Variants in MRPS28 observed in about 807,000 individuals in gnomAD.
MRPS28 encodes the protein small ribosomal subunit protein bS1m.
A neutral mutation model predicts 10.8 loss-of-function variants in MRPS28; 7 were observed. That is an observed-to-expected ratio of 0.65 (90% CI 0.37 to 1.22). The LOEUF is 1.22. Ranked by LOEUF, MRPS28 falls within the 50% of genes most tolerant of loss-of-function variation. The pLI, the probability that MRPS28 is intolerant of heterozygous loss-of-function variation, is 0.02. For missense variants in MRPS28, 265 were observed against 232.9 expected (o/e 1.14, Z -0.90); for synonymous variants, 121 against 93.3 (o/e 1.30, Z -1.71).
chr8:80,029,999 A>G, intron 1 of MRPS28, 37 bp downstream of exon 1: 1 of 1,599,190 alleles, frequency 6.3e-7, no homozygotes, highest in Non-Finnish European at 8.5e-7. Flanking sequence ...TCGTTGGCGT[A>G]ATTCCCGCGA....
At chr8:80,004,681 C>A (rs1808774465) in intron 1 of MRPS28, among the ~76,000 whole-genome samples, 1 of 152,124 alleles carries the variant, frequency 6.6e-6, no homozygotes, top group African/African-American at 2.4e-5. Flanking sequence ...GACGATCAAA[C>A]TTCTCTAAGC....
intron 2 of MRPS28, among the ~76,000 whole-genome samples, chr8:79,981,081 C>A (rs766324667): frequency 1.2e-4 from 19 of 152,174 alleles, no homozygotes; most frequent in Non-Finnish European, 2.4e-4. Context: ...GTAAACCCAG[C>A]ACTCTGGGAG....
intron 2 of MRPS28, among the ~76,000 whole-genome samples, chr8:79,925,997 G>T (rs200891862): frequency 2.5e-5 from 2 of 79,590 alleles, no homozygotes; most frequent in African/African-American, 4.5e-5. Flanking sequence ...GAAAAGAAAA[G>T]AAAAAAAAAA....
chr8:79,961,967 A>C (rs1807381005), intron 2 of MRPS28, among the ~76,000 whole-genome samples: 1 of 152,150 alleles, frequency 6.6e-6, no homozygotes. Flanking sequence ...GAAGATGTCA[A>C]GTTTACTTAG....
chr8:80,025,488 G>A (rs1221930742), intron 1 of MRPS28, among the ~76,000 whole-genome samples: 1 of 152,116 alleles, frequency 6.6e-6, no homozygotes, highest in Admixed American at 6.5e-5. Context: ...CTGCAACACT[G>A]TGTTAGAAAA....
chr8:80,021,218 GTCTTGATC>G lies in MRPS28; in HGVS notation c.213+8810_213+8817del, dbSNP rs1471072232. ...GGGTTTCACCATGTTGGTCAGGATG[GTCTTGATC>G]TCTTGACCTCATGTTCCGCCCACCT... is the stretch of plus-strand genomic sequence containing the variant. On this transcript the variant is annotated intron_variant, in intron 1 of 2. Transcript: ENST00000276585. Among the ~76,000 whole-genome samples, 5 of 152,106 alleles carry G rather than the reference GTCTTGATC, an allele frequency of 3.3e-5. No homozygotes were observed. In the East Asian group the frequency reaches 9.6e-4, roughly 29 times the overall value.
At chr8:79,969,721 T>G (rs1415018299) in intron 2 of MRPS28, among the ~76,000 whole-genome samples, 2 of 151,754 alleles carry the variant, frequency 1.3e-5, no homozygotes, top group Non-Finnish European at 2.9e-5. Context: ...AATTTAAATT[T>G]ATAAAATAAA....
chr8:79,933,496 CA>C (rs1806522947), intron 2 of MRPS28, among the ~76,000 whole-genome samples: 2 of 152,290 alleles, frequency 1.3e-5, no homozygotes, highest in South Asian at 4.1e-4. Context: ...AAACTCTGTA[CA>C]TAACAAGGTC....
rs374354719 is a variant in MRPS28 at position 79,973,412 on chromosome 8, G to A, written c.395+29587C>T. ...CCACGAGCAGTGGTGTGTGCCTGAA[G>A]TCCTAGCTACTCAGGAGGCTGAGGT... On this transcript the variant is annotated intron_variant, in intron 2 of 2. Transcript: ENST00000276585. Among the ~76,000 whole-genome samples the A allele has an allele frequency of 7.9e-5, 12 of 152,210 alleles. No individual in the cohort carries two copies. The East Asian group carries it at 2.3e-3, about 29-fold the overall frequency.
At chr8:79,957,753 C>T (rs1209247291) in intron 2 of MRPS28, 1 of 151,930 alleles carries the variant, frequency 6.6e-6, no homozygotes, top group Non-Finnish European at 1.5e-5. Flanking sequence ...ACAAATTAAA[C>T]AACATATGAG....
chr8:79,919,808 T>A (rs908609411), intron 2 of MRPS28, among the ~76,000 whole-genome samples: 3 of 152,198 alleles, frequency 2.0e-5, no homozygotes, highest in African/African-American at 7.2e-5. Flanking sequence ...ACTTTATTTT[T>A]TTATTACACT....
At chr8:79,928,820 G>A (rs1806376947) in intron 2 of MRPS28, among the ~76,000 whole-genome samples, 1 of 151,624 alleles carries the variant, frequency 6.6e-6, no homozygotes, top group Non-Finnish European at 1.5e-5. Context: ...TGAGTGGGCG[G>A]ATCACCTGAG....
intron 1 of MRPS28, among the ~76,000 whole-genome samples, chr8:80,027,894 A>C (rs993234779): frequency 1.3e-5 from 2 of 152,210 alleles, no homozygotes; most frequent in African/African-American, 2.4e-5. Flanking sequence ...GACGGAGAAC[A>C]ACCACGCAGG....
Position 79,949,890 on chromosome 8 carries a change from A to G in MRPS28, c.396-30742T>C, listed in dbSNP as rs1192690716. The stretch of plus-strand genomic sequence containing the variant: ...CTTCTATATCCCTTTCCTCAACTCC[A>G]ACAGGACAACTAAAAAGGTTTTCGT... On this transcript the variant is annotated intron_variant, in intron 2 of 2. Transcript: ENST00000276585. 3.9e-5 allele frequency among the ~76,000 whole-genome samples: 6 copies of G among 152,306 alleles called. No individual in the cohort carries two copies. In the South Asian group the frequency reaches 6.2e-4, roughly 16 times the overall value.
rs1454302730 is a variant in MRPS28 at position 79,918,827 on chromosome 8, A to C, written c.*153T>G. The C allele has an allele frequency of 6.9e-6, 3 of 433,234 alleles. No individual in the cohort carries two copies. The highest frequency in any genetic ancestry group is 1.1e-5 in the Non-Finnish European group (3 of 263,852). The allele number at this position is 433,234 out of a possible 1,614,324, so 26.8% of individuals were successfully genotyped here. A position where few individuals can be genotyped will look rare whatever the true frequency, so the allele number is the denominator to read the frequency against. ...GCAAAACAAGGGGTGGGGGGTGGGA[A>C]TATTGCTAAAGAAAATTCTAATAAG... On this transcript the variant is annotated 3_prime_UTR_variant, in exon 3 of 3. Transcript: ENST00000276585.
intron 2 of MRPS28, among the ~76,000 whole-genome samples, chr8:79,965,912 T>C (rs1198333649): frequency 1.3e-5 from 2 of 152,048 alleles, no homozygotes; most frequent in Non-Finnish European, 2.9e-5. Context: ...TTTGTACTTC[T>C]TTAAAAGTTC....
intron 2 of MRPS28, among the ~76,000 whole-genome samples, chr8:79,939,976 A>AT (rs201713514): frequency 0.017 from 1,110 of 67,004 alleles, 12 homozygotes; most frequent in African/African-American, 0.09. Context: ...TCCGTCTCAA[A>AT]TAAAAAAAAA....
chr8:79,944,806 A>G (rs559119243), intron 2 of MRPS28, among the ~76,000 whole-genome samples: 2 of 148,648 alleles, frequency 1.3e-5, no homozygotes, highest in South Asian at 4.2e-4. Flanking sequence ...CAATCTTCCC[A>G]TCTCAGCTTC....
At chr8:80,003,713 G>C (rs921312394) in intron 1 of MRPS28, among the ~76,000 whole-genome samples, 1 of 152,152 alleles carries the variant, frequency 6.6e-6, no homozygotes, top group African/African-American at 2.4e-5. Context: ...AAAACGCAAG[G>C]GGTCAGGGAA....
Sources: allele counts gnomAD v4.1 joint callset (sites outside exome capture counted in the v4.1 genomes callset), GRCh38; gene constraint gnomAD v4.1.1; transcripts MANE v1.5; gene names NCBI Gene and HGNC (gene_info 2026-07-23, HGNC 2026-07-21).